HYCC2: variants seen among roughly 807,000 people sequenced by gnomAD.
HYCC2 encodes hyccin PI4KA lipid kinase complex subunit 2.
the HYCC2 span, chr2:200,981,927 G>A: frequency 6.5e-7 from 1 of 1,533,228 alleles, no homozygotes; most frequent in African/African-American, 1.4e-5. The surrounding 1 kb of genome is among the most constrained non-coding windows in gnomAD (Gnocchi z 4.5). Flanking sequence ...AGAAGCAGCT[G>A]TGAATAACAA....
At chr2:201,042,073 C>G in the HYCC2 span, among the ~76,000 whole-genome samples, 1 of 152,300 alleles carries the variant, frequency 6.6e-6, no homozygotes, top group Admixed American at 6.5e-5. Context: ...TCTCCTGCCT[C>G]AGACTGCCAA....
At chr2:201,017,234 T>A in the HYCC2 span, 2 of 1,276,962 alleles carry the variant, frequency 1.6e-6, no homozygotes, top group Non-Finnish European at 2.1e-6. Context: ...TGTTTTTTTT[T>A]TTTTAAGGCA....
the HYCC2 span, among the ~76,000 whole-genome samples, chr2:201,041,831 C>T: frequency 6.6e-6 from 1 of 152,210 alleles, no homozygotes; most frequent in Non-Finnish European, 1.5e-5. Context: ...CCTCAGACAA[C>T]TCATTTAAAC....
chr2:201,007,555 G>A, the HYCC2 span, among the ~76,000 whole-genome samples: 7 of 152,028 alleles, frequency 4.6e-5, no homozygotes, highest in Non-Finnish European at 8.8e-5. Context: ...ATAATTCATG[G>A]GCCATCTATA....
At chr2:201,000,475 T>TA in the HYCC2 span, among the ~76,000 whole-genome samples, 3 of 152,242 alleles carry the variant, frequency 2.0e-5, no homozygotes, top group East Asian at 5.8e-4. Context: ...GTTGGCTACA[T>TA]AAAAAACTAA....
chr2:201,002,281 C>CAAAAAAAAA, the HYCC2 span, among the ~76,000 whole-genome samples: 1 of 82,862 alleles, frequency 1.2e-5, no homozygotes, highest in Non-Finnish European at 2.4e-5. Context: ...ACCAATCAGC[C>CAAAAAAAAA]AAAAAAAAAA....
chr2:201,015,487 G>A, the HYCC2 span, among the ~76,000 whole-genome samples: 1 of 152,066 alleles, frequency 6.6e-6, no homozygotes. Flanking sequence ...CCTCCCCTCA[G>A]AGAAACAGAA....
the HYCC2 span, chr2:200,974,171 C>T: frequency 6.6e-6 from 1 of 150,770 alleles, no homozygotes; most frequent in East Asian, 1.9e-4. Flanking sequence ...TCTCTAAATA[C>T]TTGGGAAGTT....
At chr2:201,026,217 A>T in the HYCC2 span, among the ~76,000 whole-genome samples, 1 of 152,234 alleles carries the variant, frequency 6.6e-6, no homozygotes, top group African/African-American at 2.4e-5. Flanking sequence ...GAGACAAAGA[A>T]GGCCATTACA....
At chr2:201,061,823 T>G in the HYCC2 span, among the ~76,000 whole-genome samples, 1 of 152,144 alleles carries the variant, frequency 6.6e-6, no homozygotes, top group South Asian at 2.1e-4. Context: ...GTACACATTC[T>G]GGCCAGGTGC....
At chr2:201,055,340 C>T in the HYCC2 span, among the ~76,000 whole-genome samples, 2 of 151,142 alleles carry the variant, frequency 1.3e-5, no homozygotes, top group Non-Finnish European at 2.9e-5. Context: ...CGAGATCGCA[C>T]CATTGCACTA....
chr2:200,978,160 T>A, the HYCC2 span: 1 of 152,206 alleles, frequency 6.6e-6, no homozygotes. Flanking sequence ...AAAACTATTT[T>A]AAATTAAATG....
chr2:201,040,960 G>A, the HYCC2 span, among the ~76,000 whole-genome samples: 1 of 152,262 alleles, frequency 6.6e-6, no homozygotes. Context: ...CCTGGAGCAA[G>A]GTTGCCTAAG....
the HYCC2 span, chr2:200,981,121 T>C: frequency 6.6e-6 from 6 of 915,370 alleles, no homozygotes; most frequent in Non-Finnish European, 6.7e-6. This position sits in a 1 kb window ranked among gnomAD's most constrained non-coding sequence, Gnocchi z 4.5. Flanking sequence ...TATTGCTGTT[T>C]TGATACAAAA....
At chr2:200,975,218 G>T in the HYCC2 span, 1 of 151,946 alleles carries the variant, frequency 6.6e-6, no homozygotes, top group East Asian at 1.9e-4. Context: ...CCAGGTCAGA[G>T]AATATTTTTA....
At chr2:201,043,179 T>A in the HYCC2 span, among the ~76,000 whole-genome samples, 2 of 152,190 alleles carry the variant, frequency 1.3e-5, no homozygotes, top group Non-Finnish European at 2.9e-5. Context: ...AAGGGTTAAA[T>A]GGATTAAGGG....
the HYCC2 span, among the ~76,000 whole-genome samples, chr2:201,064,758 GA>G: frequency 2.0e-5 from 3 of 151,922 alleles, no homozygotes; most frequent in African/African-American, 4.8e-5. Flanking sequence ...TAATTCTCTG[GA>G]AAAAAATCTT....
chr2:201,049,600 G>A, the HYCC2 span, among the ~76,000 whole-genome samples: 1 of 150,156 alleles, frequency 6.7e-6, no homozygotes, highest in Non-Finnish European at 1.5e-5. Flanking sequence ...TGATCCACCC[G>A]CCTTGGCCTT....
the HYCC2 span, among the ~76,000 whole-genome samples, chr2:201,030,406 C>T: frequency 6.6e-6 from 1 of 151,926 alleles, no homozygotes; most frequent in African/African-American, 2.4e-5. Flanking sequence ...CTCATTCCAT[C>T]CACAAACACT....
Sources: allele counts gnomAD v4.1 joint callset (sites outside exome capture counted in the v4.1 genomes callset), GRCh38; gene constraint gnomAD v4.1.1; non-coding constraint Gnocchi (gnomAD v3.1); transcripts MANE v1.5; gene names NCBI Gene and HGNC (gene_info 2026-07-23, HGNC 2026-07-21).